Variants in BLM observed in about 807,000 individuals in gnomAD.
BLM encodes the protein BLM RecQ like helicase.
Under a neutral mutation model 135.3 loss-of-function variants are expected in BLM, and 95 were observed. That is an observed-to-expected ratio of 0.70 (90% CI 0.59 to 0.83). BLM has a LOEUF of 0.83. Ranked by LOEUF, BLM falls within the 40% of genes least tolerant of loss-of-function variation. BLM has a pLI of 0.00. For missense variants in BLM, 1,518 were observed against 1,663.9 expected (o/e 0.91, Z 1.53); for synonymous variants, 520 against 589.2 (o/e 0.88, Z 1.70).
At chr15:90,769,324 G>A (rs1896231183) in intron 11 of BLM, 93 bp downstream of exon 11, 28 of 1,538,218 alleles carry the variant, frequency 1.8e-5, no homozygotes, top group African/African-American at 2.7e-5. Flanking sequence ...CTGAGTGAAC[G>A]AGTCTCCTAT....
Position 90,760,232 on chromosome 15 carries a change from G to GA in BLM, c.1176dup (p.Leu393ThrfsTer25), listed in dbSNP as rs1358266880. ...TTGATACTATTCCTGATGATAAACTGAAACTTTTGGATTGTGGGAACGAAC... is the reference window on the plus strand; with the variant it reads ...TTGATACTATTCCTGATGATAAACTGAAAACTTTTGGATTGTGGGAACGAAC... On this transcript the variant is annotated frameshift_variant, in exon 6 of 22. Transcript: ENST00000355112. LOFTEE classifies it high-confidence loss of function. 1 of 1,614,048 alleles carries GA rather than the reference G, an allele frequency of 6.2e-7. No individual in the cohort carries two copies. The highest frequency in any genetic ancestry group is 1.7e-5 in the Admixed American group (1 of 60,012).
At chr15:90,785,419 C>A (rs1896721441) in intron 14 of BLM, among the ~76,000 whole-genome samples, 1 of 152,072 alleles carries the variant, frequency 6.6e-6, no homozygotes, top group African/African-American at 2.4e-5. Context: ...CCAGTCACTT[C>A]CCCCACCCCC....
At chr15:90,785,542 C>CTT (rs56691722) in intron 14 of BLM, among the ~76,000 whole-genome samples, 7 of 137,240 alleles carry the variant, frequency 5.1e-5, no homozygotes, top group East Asian at 2.1e-4. Context: ...TGTGACTTTT[C>CTT]TTTTTTTTTT....
intron 1 of BLM, among the ~76,000 whole-genome samples, chr15:90,745,715 G>T (rs1895483160): frequency 6.6e-6 from 1 of 152,100 alleles, no homozygotes; most frequent in Non-Finnish European, 1.5e-5. Context: ...CCAGCCACGT[G>T]AATATACTGT....
intron 10 of BLM, 51 bp downstream of exon 10, chr15:90,767,074 A>T (rs558982313): frequency 5.9e-6 from 7 of 1,190,542 alleles, no homozygotes; most frequent in Non-Finnish European, 1.2e-6. Flanking sequence ...ACTAGAATAC[A>T]TATATTTTTA....
intron 16 of BLM, among the ~76,000 whole-genome samples, chr15:90,794,879 C>CT (rs11295536): frequency 1.8e-4 from 27 of 150,420 alleles, no homozygotes; most frequent in East Asian, 5.8e-4. Flanking sequence ...TTACATTACT[C>CT]TTTTTTTTTA....
Position 90,815,624 on chromosome 15 carries a change from G to A in BLM, c.*345G>A. 1 of 314,048 alleles carries A rather than the reference G, an allele frequency of 3.2e-6. No homozygotes were observed. The highest frequency in any genetic ancestry group is 4.8e-5 in the Admixed American group (1 of 20,806). 19.5% of individuals were successfully genotyped at this position (314,048 alleles called of 1,614,324 possible). A position where few individuals can be genotyped will look rare whatever the true frequency, so the allele number is the denominator to read the frequency against. ...TGTGAAACTAAAGCTTTTCGTGTAA[G>A]ACAACACAAACAAAATTTAAAGACA... On this transcript the variant is annotated 3_prime_UTR_variant, in exon 22 of 22. Transcript: ENST00000355112. The surrounding 1 kb of genome is among the most constrained non-coding windows in gnomAD (Gnocchi z 4.6).
At chr15:90,725,716 T>G (rs1894894988) in intron 1 of BLM, among the ~76,000 whole-genome samples, 1 of 151,372 alleles carries the variant, frequency 6.6e-6, no homozygotes, top group Admixed American at 6.6e-5. Flanking sequence ...TTTCACTGTG[T>G]TAGCCAGGGT....
At chr15:90,774,983 C>T (rs539745307) in intron 12 of BLM, among the ~76,000 whole-genome samples, 52 of 152,200 alleles carry the variant, frequency 3.4e-4, no homozygotes, top group African/African-American at 1.1e-3. Flanking sequence ...GCACTTTAAC[C>T]TGGGAAGTGG....
At chr15:90,788,471 G>GTC (rs1896809285) in intron 14 of BLM, among the ~76,000 whole-genome samples, 1 of 94,992 alleles carries the variant, frequency 1.1e-5, no homozygotes, top group Non-Finnish European at 2.0e-5. Context: ...CCAGTGTTTT[G>GTC]TTTTTTTTTT....
intron 1 of BLM, among the ~76,000 whole-genome samples, chr15:90,744,124 G>A (rs1325927182): frequency 6.6e-6 from 1 of 152,178 alleles, no homozygotes; most frequent in Non-Finnish European, 1.5e-5. Flanking sequence ...GTTATGGAAG[G>A]AATGTGGGAA....
chr15:90,810,072 G>C (rs186365890), intron 20 of BLM, among the ~76,000 whole-genome samples: 1 of 116,660 alleles, frequency 8.6e-6, no homozygotes, highest in Admixed American at 1.0e-4. Context: ...TTACCTAGTC[G>C]CTTTTTTTTT....
At chr15:90,719,593 A>G (rs1009755945) in intron 1 of BLM, among the ~76,000 whole-genome samples, 6 of 152,132 alleles carry the variant, frequency 3.9e-5, no homozygotes, top group African/African-American at 1.4e-4. Flanking sequence ...AGAGTCCGTC[A>G]GTCAATCTAC....
intron 10 of BLM, 132 bp from the exon 11 acceptor site, chr15:90,769,001 C>T (rs1049766917): frequency 1.4e-5 from 11 of 809,002 alleles, no homozygotes; most frequent in Non-Finnish European, 2.4e-5. Flanking sequence ...GCTGGGATTA[C>T]AGGCGTGAGC....
At position 90,763,135 on chromosome 15, in the gene BLM, C is replaced by T. The variant is rs1896031878; in HGVS notation, c.2052C>T (p.Asp684=). The T allele has an allele frequency of 6.2e-7, 1 of 1,614,016 alleles. No individual in the cohort carries two copies. The stretch of plus-strand genomic sequence containing the variant: ...TCAATGCTGCACTGCTTGGTGAAGA[C>T]TGTTTTATCCTGATGCCGACTGGTA... The part of the protein sequence containing the change: ...EAINAALLGE[D]CFILMPTGGG... The change falls in exon 8 of 22, where the codon GAC becomes GAT. Residue 684 remains aspartate, a synonymous_variant. Coordinates refer to ENST00000355112, the MANE Select transcript of BLM (RefSeq NM_000057.4).
intron 1 of BLM, among the ~76,000 whole-genome samples, chr15:90,723,670 A>T (rs7169624): frequency 0.041 from 6,269 of 152,208 alleles, 434 homozygotes; most frequent in African/African-American, 0.14. Context: ...AAATTTTTTT[A>T]AATTGTTTTT....
chr15:90,734,675 GCACA>G (rs34292947), intron 1 of BLM, among the ~76,000 whole-genome samples: 50 of 134,168 alleles, frequency 3.7e-4, no homozygotes, highest in South Asian at 7.5e-4. Context: ...GCGCACGCAC[GCACA>G]CACACACACA....
Position 90,729,495 on chromosome 15 carries a change from C to T in BLM, c.-5+12055C>T, listed in dbSNP as rs572155701. On this transcript the variant is annotated intron_variant, in intron 1 of 21. Transcript: ENST00000355112. ...CCCTTTTCAGCTTTTAGAGACTATTCGTATTCCTTGACTCTTGGCTTTCCT... is the reference window on the plus strand; with the variant it reads ...CCCTTTTCAGCTTTTAGAGACTATTTGTATTCCTTGACTCTTGGCTTTCCT... 5.9e-5 allele frequency among the ~76,000 whole-genome samples: 9 copies of T among 152,190 alleles called. No individual in the cohort carries two copies. The East Asian group carries it at 1.7e-3, about 29-fold the overall frequency.
chr15:90,735,497 A>G (rs1236618174), intron 1 of BLM, among the ~76,000 whole-genome samples: 1 of 151,968 alleles, frequency 6.6e-6, no homozygotes, highest in Non-Finnish European at 1.5e-5. Flanking sequence ...GACCAATGGT[A>G]TAGAATGGAA....
Sources: gnomAD v4.1 joint callset for allele counts (sites outside exome capture counted in the v4.1 genomes callset) on GRCh38, gnomAD v4.1.1 for gene constraint, Gnocchi (gnomAD v3.1) non-coding constraint, MANE v1.5 for transcripts, NCBI Gene and HGNC (gene_info 2026-07-23, HGNC 2026-07-21) for gene names.